The following TYW1 variants were observed in gnomAD, a reference collection of about 807,000 sequenced individuals.
The protein encoded by TYW1 is S-adenosyl-L-methionine-dependent tRNA 4-demethylwyosine synthase TYW1.
TYW1 carries 46 observed loss-of-function variants against 96.2 expected under a neutral mutation model. The ratio of observed to expected loss-of-function variants is 0.48; its 90% CI spans 0.38 to 0.61. The LOEUF is 0.61. Among genes scored for constraint, TYW1 ranks in the 20% least tolerant of loss-of-function variants. The pLI is 0.00. For synonymous variants in TYW1, 274 were observed against 323.0 expected, an observed-to-expected ratio of 0.85 and a Z score of 1.63; for missense variants, 684 against 909.6, an observed-to-expected ratio of 0.75 and a Z score of 3.19.
intron 14 of TYW1, among the ~76,000 whole-genome samples, chr7:67,185,773 A>G (rs1892745): frequency 1.3e-5 from 2 of 152,332 alleles, no homozygotes; most frequent in East Asian, 3.9e-4. Flanking sequence ...TGGCTTTTTT[A>G]GGCAACTAAT....
At chr7:67,002,123 C>T (rs1458183691) in intron 3 of TYW1, among the ~76,000 whole-genome samples, 3 of 151,552 alleles carry the variant, frequency 2.0e-5, no homozygotes, top group Admixed American at 1.3e-4. Flanking sequence ...TTTTAGTTCA[C>T]TGCAGCCTCG....
chr7:67,213,005 A>T lies in TYW1; in HGVS notation c.1977+17668A>T, dbSNP rs545599004. ...ATTCTTCTGCCTCAGCCTCCCAAGT[A>T]GCTGGGATTACAGGTGCCACCACAC... On this transcript the variant is annotated intron_variant, in intron 15 of 15. Coordinates refer to ENST00000359626, the MANE Select transcript of TYW1 (RefSeq NM_018264.4). Among the ~76,000 whole-genome samples, 7 of 150,008 alleles carry T rather than the reference A, an allele frequency of 4.7e-5. No homozygotes were observed. In the East Asian group the frequency reaches 1.4e-3, roughly 29 times the overall value.
intron 13 of TYW1, among the ~76,000 whole-genome samples, chr7:67,170,159 TG>T (rs1222420681): frequency 6.6e-6 from 1 of 152,206 alleles, no homozygotes; most frequent in African/African-American, 2.4e-5. Flanking sequence ...AATAACTAGT[TG>T]TCTCAGTACC....
chr7:67,124,093 T>C (rs753069290), intron 13 of TYW1, among the ~76,000 whole-genome samples: 2 of 152,200 alleles, frequency 1.3e-5, no homozygotes, highest in Non-Finnish European at 1.5e-5. Flanking sequence ...ATTTAGAACA[T>C]AGATATTGAA....
intron 11 of TYW1, among the ~76,000 whole-genome samples, chr7:67,086,587 G>A (rs185430530): frequency 6.6e-6 from 1 of 152,272 alleles, no homozygotes; most frequent in East Asian, 1.9e-4. Flanking sequence ...TGGGAGGTTG[G>A]AGACTCAGGG....
chr7:67,112,100 C>CAAAAAAAAAAAAAAAAAAAAAAA (rs538839042), intron 12 of TYW1, among the ~76,000 whole-genome samples: 17 of 94,868 alleles, frequency 1.8e-4, no homozygotes, highest in Admixed American at 1.1e-3. Flanking sequence ...CTCTGTCTGA[C>CAAAAAAAAAAAAAAAAAAAAAAA]AAAAAAAAAA....
At chr7:67,048,966 A>G (rs1415515485) in intron 7 of TYW1, among the ~76,000 whole-genome samples, 5 of 152,258 alleles carry the variant, frequency 3.3e-5, no homozygotes, top group Admixed American at 3.3e-4. Context: ...GTGAGCCAAG[A>G]TCGTGCCATT....
At chr7:67,023,374 G>A (rs1429182466) in intron 6 of TYW1, among the ~76,000 whole-genome samples, 1 of 152,084 alleles carries the variant, frequency 6.6e-6, no homozygotes. Flanking sequence ...TGGGATTACA[G>A]GAGTGAGCCA....
Position 67,195,180 on chromosome 7 carries a change from A to G in TYW1, c.1820A>G (p.Tyr607Cys), listed in dbSNP as rs768856518. 2 of 1,613,988 alleles carry G rather than the reference A, an allele frequency of 1.2e-6. No homozygotes were observed. Among genetic ancestry groups the G allele is most frequent in the Non-Finnish European group, 1.7e-6 (2 of 1,179,976 alleles). The part of the protein sequence containing the change: ...PDFIEVKGVT[Y>C]CGESSASSLT... ...ATACTGTTTCCACAGGGCGTTACCT[A>G]CTGCGGAGAAAGTTCAGCAAGCAGT... The change falls in exon 15 of 16, where the codon TAC (tyrosine) becomes TGC (cysteine). Residue 607 changes from tyrosine to cysteine, a missense_variant. Coordinates refer to ENST00000359626, the MANE Select transcript of TYW1 (RefSeq NM_018264.4).
intron 9 of TYW1, 24 bp downstream of exon 9, chr7:67,055,911 T>C (rs1795500580): frequency 6.3e-7 from 1 of 1,597,078 alleles, no homozygotes; most frequent in Non-Finnish European, 8.6e-7. Flanking sequence ...TTTTATTCAA[T>C]ATGTCTATTA....
intron 11 of TYW1, among the ~76,000 whole-genome samples, chr7:67,086,571 G>A (rs1419038069): frequency 2.0e-5 from 3 of 152,162 alleles, no homozygotes; most frequent in African/African-American, 7.2e-5. Context: ...CATCTCATGG[G>A]TTGACTGGGA....
chr7:67,214,143 G>C (rs1801132549), intron 15 of TYW1, among the ~76,000 whole-genome samples: 2 of 152,034 alleles, frequency 1.3e-5, no homozygotes, highest in Non-Finnish European at 2.9e-5. Context: ...CGTGAACATG[G>C]AATATCCTCC....
At chr7:67,222,445 GT>G (rs1211001424) in intron 15 of TYW1, among the ~76,000 whole-genome samples, 2 of 150,850 alleles carry the variant, frequency 1.3e-5, no homozygotes, top group East Asian at 3.9e-4. Context: ...CCTTCCTCGT[GT>G]TTTGCCAGTA....
intron 6 of TYW1, among the ~76,000 whole-genome samples, chr7:67,019,909 G>A (rs1794182047): frequency 6.6e-6 from 1 of 152,288 alleles, no homozygotes; most frequent in Non-Finnish European, 1.5e-5. Context: ...GCTACCTGGA[G>A]TCAGTCAGTC....
chr7:67,077,972 T>G (rs1381729782), intron 10 of TYW1, among the ~76,000 whole-genome samples: 1 of 152,232 alleles, frequency 6.6e-6, no homozygotes, highest in Admixed American at 6.5e-5. Flanking sequence ...AAAATTGGTT[T>G]CCTGTAAATA....
chr7:67,228,350 C>T (rs1409496342), intron 15 of TYW1, among the ~76,000 whole-genome samples: 2 of 152,124 alleles, frequency 1.3e-5, no homozygotes, highest in Non-Finnish European at 2.9e-5. Context: ...TTCGTAAAAC[C>T]ATCAGATCTT....
intron 15 of TYW1, among the ~76,000 whole-genome samples, chr7:67,227,445 C>G (rs4718489): frequency 1.3e-5 from 2 of 152,036 alleles, no homozygotes; most frequent in African/African-American, 4.8e-5. Flanking sequence ...TTAGTAGAGA[C>G]GGAGTTTCAC....
chr7:67,001,345 G>C (rs1279348006), intron 3 of TYW1, among the ~76,000 whole-genome samples: 5 of 151,626 alleles, frequency 3.3e-5, no homozygotes, highest in Non-Finnish European at 5.9e-5. Context: ...GTTGATTTTG[G>C]GGTAGATAGC....
intron 11 of TYW1, among the ~76,000 whole-genome samples, chr7:67,094,938 A>T (rs28875922): frequency 0.17 from 26,211 of 151,788 alleles, 2,698 homozygotes; most frequent in African/African-American, 0.28. Context: ...GGGTTAAATA[A>T]AGTGGTGCCT....
Sources: allele counts gnomAD v4.1 joint callset (sites outside exome capture counted in the v4.1 genomes callset), GRCh38; gene constraint gnomAD v4.1.1; transcripts MANE v1.5; gene names NCBI Gene and HGNC (gene_info 2026-07-23, HGNC 2026-07-21).